Variants in CSPP1 observed in about 807,000 individuals in gnomAD.
The protein encoded by CSPP1 is centrosome and spindle pole associated protein 1.
In CSPP1, 126 loss-of-function variants were observed where a neutral mutation model predicts 164.4. That is an observed-to-expected ratio of 0.77 (90% CI 0.66 to 0.89). The LOEUF is 0.89. Among genes scored for constraint, CSPP1 ranks in the 40% least tolerant of loss-of-function variants. CSPP1 has a pLI of 0.00. For missense variants in CSPP1, 1,395 were observed against 1,449.8 expected, an observed-to-expected ratio of 0.96 and a Z score of 0.61; for synonymous variants, 472 against 476.7, an observed-to-expected ratio of 0.99 and a Z score of 0.13.
intron 3 of CSPP1, among the ~76,000 whole-genome samples, chr8:67,077,556 C>T (rs541018385): frequency 2.0e-5 from 3 of 152,182 alleles, no homozygotes; most frequent in South Asian, 4.1e-4. Context: ...AGGCTGGTCT[C>T]GAACTCCTGA....
chr8:67,118,959 C>T (rs1818466808), intron 15 of CSPP1, 138 bp downstream of exon 15: 1 of 632,762 alleles, frequency 1.6e-6, no homozygotes, highest in African/African-American at 1.8e-5. Flanking sequence ...GCAACCATCA[C>T]CACAATCCAT....
chr8:67,069,042 A>G (rs1005968731), intron 1 of CSPP1: 9 of 152,200 alleles, frequency 5.9e-5, no homozygotes, highest in African/African-American at 2.2e-4. Context: ...CACTTCCTCA[A>G]ATTAAGCCTT....
intron 26 of CSPP1, among the ~76,000 whole-genome samples, chr8:67,176,965 G>A (rs112843260): frequency 7.0e-4 from 107 of 151,780 alleles, no homozygotes; most frequent in African/African-American, 2.3e-3. Flanking sequence ...CAGCTACTCC[G>A]GAGCCTGAGT....
chr8:67,113,259 A>G (rs554839137), intron 10 of CSPP1, among the ~76,000 whole-genome samples: 1 of 152,174 alleles, frequency 6.6e-6, no homozygotes, highest in South Asian at 2.1e-4. Flanking sequence ...AACAACAAAA[A>G]CAACAACAAC....
intron 27 of CSPP1, among the ~76,000 whole-genome samples, chr8:67,178,388 TTTA>T (rs541036363): frequency 1.0e-3 from 154 of 152,338 alleles, no homozygotes; most frequent in African/African-American, 3.4e-3. Flanking sequence ...TCAACAAATA[TTTA>T]TTATTTCCTA....
At chr8:67,125,774 T>C (rs755666331) in intron 15 of CSPP1, among the ~76,000 whole-genome samples, 3 of 152,224 alleles carry the variant, frequency 2.0e-5, no homozygotes, top group Non-Finnish European at 2.9e-5. Context: ...TATTTGGTTC[T>C]TTTTAAAGTA....
intron 26 of CSPP1, among the ~76,000 whole-genome samples, chr8:67,177,114 C>T (rs1340872756): frequency 7.4e-6 from 1 of 134,722 alleles, no homozygotes; most frequent in Non-Finnish European, 1.6e-5. Flanking sequence ...TCACTATAAA[C>T]AATCACAAAC....
chr8:67,154,233 C>A, intron 19 of CSPP1, 97 bp downstream of exon 19: 1 of 641,718 alleles, frequency 1.6e-6, no homozygotes, highest in South Asian at 1.9e-5. Flanking sequence ...TTCTAAAATG[C>A]CATACTGTTA....
intron 12 of CSPP1, chr8:67,114,703 A>G (rs1457383512): frequency 1.3e-5 from 2 of 152,238 alleles, no homozygotes; most frequent in African/African-American, 4.8e-5. Flanking sequence ...ATAAATTTCA[A>G]AGCTAAATAT....
At position 67,115,918 on chromosome 8, in the gene CSPP1, A is replaced by G. The variant is rs1168559583; in HGVS notation, c.1292A>G (p.Asp431Gly). Residue 431 changes from aspartate to glycine, a missense_variant, in exon 13 of 31, where the codon GAT becomes GGT. Coordinates refer to ENST00000678616, the MANE Select transcript of CSPP1 (RefSeq NM_001382391.1). ...TSLQLSKEEP[D>G]RLKQFSVAPR... ...GATTTTTTTTCTTTATTTTAGCCTG[A>G]TAGACTAAAGCAGTTTAGTGTGGCA... is the stretch of plus-strand genomic sequence containing the variant. 6.2e-7 allele frequency: 1 copy of G among 1,611,494 alleles called. No individual in the cohort carries two copies. Among genetic ancestry groups the G allele is most frequent in the Non-Finnish European group, 8.5e-7 (1 of 1,177,714 alleles).
At chr8:67,180,884 C>G (rs532666371) in intron 28 of CSPP1, among the ~76,000 whole-genome samples, 1 of 151,736 alleles carries the variant, frequency 6.6e-6, no homozygotes, top group Non-Finnish European at 1.5e-5. Context: ...TATACACTTA[C>G]GATTATGTAC....
intron 27 of CSPP1, among the ~76,000 whole-genome samples, chr8:67,179,375 C>G (rs1231714587): frequency 6.6e-6 from 1 of 152,122 alleles, no homozygotes; most frequent in African/African-American, 2.4e-5. Flanking sequence ...GTGATCTACT[C>G]CAGAGCAGAA....
chr8:67,096,669 A>G lies in CSPP1; in HGVS notation c.923+937A>G, dbSNP rs1354345095. Among the ~76,000 whole-genome samples, 3 of 152,050 alleles carry G rather than the reference A, an allele frequency of 2.0e-5. No homozygotes were observed. In the East Asian group the frequency reaches 5.8e-4, roughly 29 times the overall value. The stretch of plus-strand genomic sequence containing the variant: ...CACTTGAGGTCAGGAGTTTGAGACC[A>G]AACTGACCAACATGGTGAAACCCCA... On this transcript the variant is annotated intron_variant, in intron 7 of 30. Coordinates refer to ENST00000678616, the MANE Select transcript of CSPP1 (RefSeq NM_001382391.1).
intron 7 of CSPP1, among the ~76,000 whole-genome samples, chr8:67,100,691 C>G (rs1355198137): frequency 6.6e-6 from 1 of 151,248 alleles, no homozygotes. Context: ...ACAGTCCTCC[C>G]ACTTTAGCCT....
intron 21 of CSPP1, 56 bp from the exon 22 acceptor site, chr8:67,161,755 A>G (rs892365765): frequency 2.3e-4 from 204 of 881,824 alleles, no homozygotes; most frequent in Middle Eastern, 4.3e-4. Context: ...GTGTGTGTAT[A>G]TATGTGTGTG....
intron 9 of CSPP1, among the ~76,000 whole-genome samples, chr8:67,107,982 A>AG (rs1554577568): frequency 8.3e-5 from 5 of 60,186 alleles, no homozygotes; most frequent in Admixed American, 5.5e-4. Context: ...TCTTTGACAA[A>AG]GTTTTTTTTT....
chr8:67,084,580 A>G (rs529041099), intron 3 of CSPP1, among the ~76,000 whole-genome samples: 5 of 152,218 alleles, frequency 3.3e-5, no homozygotes, highest in Admixed American at 6.5e-5. Context: ...CTGAATCTTT[A>G]AGGAAAGTTT....
In CSPP1 at chr8:67,139,768, T is replaced by G. The variant is rs1469369629; in HGVS notation, c.1975+2165T>G. ...ACAAAAAACCAAACACCGCATGTTC[T>G]CACTCATAGGTGGGAATTGAACAAT... On this transcript the variant is annotated intron_variant, in intron 17 of 30. Coordinates refer to ENST00000678616, the MANE Select transcript of CSPP1 (RefSeq NM_001382391.1). Among the ~76,000 whole-genome samples, 8 of 152,114 alleles carry G rather than the reference T, an allele frequency of 5.3e-5. No individual in the cohort carries two copies. The East Asian group carries it at 9.7e-4, about 18-fold the overall frequency.
rs1333650236 is a variant in CSPP1, at chr8:67,160,038, T to TTTC, written c.2538+903_2538+904insCTT. ...TTTCTTTTCTTTTCTTTTCTTTTTC[T>TTTC]TTTTCTTTTTCTTTCTTTTTGTTTT... On this transcript the variant is annotated intron_variant, in intron 21 of 30. Coordinates refer to ENST00000678616, the MANE Select transcript of CSPP1 (RefSeq NM_001382391.1). 1.7e-3 allele frequency among the ~76,000 whole-genome samples: 162 copies of TTTC among 96,780 alleles called. 18 individuals carry two copies. The highest frequency in any genetic ancestry group is 9.1e-3 in the African/African-American group (133 of 14,686). 63.5% of individuals were successfully genotyped at this position (96,780 alleles called of 152,430 possible).
Sources: allele counts gnomAD v4.1 joint callset (sites outside exome capture counted in the v4.1 genomes callset), GRCh38; gene constraint gnomAD v4.1.1; transcripts MANE v1.5; gene names NCBI Gene and HGNC (gene_info 2026-07-23, HGNC 2026-07-21).